The following ABI1 variants were observed in gnomAD, a reference collection of about 807,000 sequenced individuals.
ABI1 encodes the protein abl interactor 1.
In ABI1, 14 loss-of-function variants were observed where a neutral mutation model predicts 54.6. The ratio of observed to expected loss-of-function variants is 0.26; its 90% CI spans 0.17 to 0.40. The LOEUF (loss-of-function observed/expected upper bound fraction) is 0.40. Among genes scored for constraint, ABI1 ranks in the 10% least tolerant of loss-of-function variants. ABI1 has a pLI of 1.00. For missense variants in ABI1, 443 were observed against 598.3 expected, an observed-to-expected ratio of 0.74 and a Z score of 2.71; for synonymous variants, 194 against 209.3, an observed-to-expected ratio of 0.93 and a Z score of 0.63.
intron 9 of ABI1, among the ~76,000 whole-genome samples, chr10:26,754,202 T>A (rs1837982845): frequency 2.0e-5 from 3 of 152,156 alleles, no homozygotes; most frequent in Admixed American, 2.0e-4. Flanking sequence ...TAGGCTGGAG[T>A]GCAGTAGTGT....
chr10:26,831,256 CAT>C (rs1286513590), intron 1 of ABI1, among the ~76,000 whole-genome samples: 1 of 151,310 alleles, frequency 6.6e-6, no homozygotes. Context: ...AAATACAAAA[CAT>C]GTGGCTGGGC....
intron 2 of ABI1, among the ~76,000 whole-genome samples, chr10:26,777,877 C>A (rs958252813): frequency 6.6e-6 from 1 of 151,892 alleles, no homozygotes. Context: ...CCCCACACAC[C>A]CCCCAAAAAA....
rs149194918 is a variant in ABI1, at chr10:26,769,435, C to T, written c.579-443G>A. ...AGATATACATTCTAATCATTACTTT[C>T]TCAATAAATGATTTCGACTATTCTG... On this transcript the variant is annotated intron_variant, in intron 5 of 10. Coordinates refer to ENST00000376140, the MANE Select transcript of ABI1 (RefSeq NM_001012750.3). 2.9e-3 allele frequency among the ~76,000 whole-genome samples: 434 copies of T among 152,094 alleles called. 1 individual carries two copies. The highest frequency in any genetic ancestry group is 9.6e-3 in the African/African-American group (398 of 41,496).
intron 10 of ABI1, among the ~76,000 whole-genome samples, chr10:26,750,125 C>A (rs1837423870): frequency 6.6e-6 from 1 of 152,208 alleles, no homozygotes; most frequent in Non-Finnish European, 1.5e-5. Context: ...TAAGTAACAA[C>A]AGCTCTCTAT....
chr10:26,840,273 C>T (rs1564569137), intron 1 of ABI1, among the ~76,000 whole-genome samples: 1 of 152,118 alleles, frequency 6.6e-6, no homozygotes, highest in Admixed American at 6.5e-5. Flanking sequence ...TAGCACCTCC[C>T]CACCTTGCTT....
chr10:26,752,936 G>A (rs115617665), intron 9 of ABI1, among the ~76,000 whole-genome samples: 3,324 of 152,146 alleles, frequency 0.022, 89 homozygotes, highest in African/African-American at 0.07. Context: ...TTCCTGCAGG[G>A]GAGAAGTTCA....
intron 1 of ABI1, among the ~76,000 whole-genome samples, chr10:26,858,208 C>A (rs990360474): frequency 1.3e-5 from 2 of 152,106 alleles, no homozygotes; most frequent in African/African-American, 4.8e-5. Flanking sequence ...TTATAAATAA[C>A]CCAATCAGGT....
chr10:26,801,845 A>G (rs2046584405), intron 2 of ABI1, among the ~76,000 whole-genome samples: 1 of 152,228 alleles, frequency 6.6e-6, no homozygotes, highest in South Asian at 2.1e-4. Flanking sequence ...CATGCTAGAC[A>G]ATGGGAATAG....
chr10:26,761,631 T>C (rs1206438450), intron 7 of ABI1, among the ~76,000 whole-genome samples: 1 of 92,452 alleles, frequency 1.1e-5, no homozygotes, highest in Non-Finnish European at 2.2e-5. Flanking sequence ...TATATATATA[T>C]ATATATATAT....
At chr10:26,828,820 C>A (rs1369259288) in intron 1 of ABI1, among the ~76,000 whole-genome samples, 5 of 152,120 alleles carry the variant, frequency 3.3e-5, no homozygotes, top group Non-Finnish European at 7.4e-5. Context: ...TGGGATATAG[C>A]AAATCATTAA....
chr10:26,857,340 A>G (rs1039017799), intron 1 of ABI1, among the ~76,000 whole-genome samples: 1 of 83,806 alleles, frequency 1.2e-5, no homozygotes, highest in South Asian at 6.5e-4. Context: ...AAAAAAAAAA[A>G]AAAAAAAAAA....
intron 2 of ABI1, among the ~76,000 whole-genome samples, chr10:26,808,768 T>C (rs766961182): frequency 2.0e-5 from 3 of 151,824 alleles, no homozygotes; most frequent in Non-Finnish European, 2.9e-5. Flanking sequence ...ACAGTCTGGG[T>C]TATTCTAACT....
At chr10:26,846,713 C>T (rs1191642751) in intron 1 of ABI1, among the ~76,000 whole-genome samples, 1 of 152,106 alleles carries the variant, frequency 6.6e-6, no homozygotes, top group African/African-American at 2.4e-5. Flanking sequence ...TATCTGGTAC[C>T]TACCTACCTC....
chr10:26,795,085 A>G (rs1588899351), intron 2 of ABI1, among the ~76,000 whole-genome samples: 1 of 151,620 alleles, frequency 6.6e-6, no homozygotes. Context: ...CGGAGATTGC[A>G]GTGAGCCAAG....
At chr10:26,798,665 C>T (rs532143529) in intron 2 of ABI1, among the ~76,000 whole-genome samples, 35 of 152,080 alleles carry the variant, frequency 2.3e-4, no homozygotes, top group Admixed American at 1.5e-3. Context: ...GAAACTAAGG[C>T]GCACACACTG....
chr10:26,791,896 A>G (rs1843515184), intron 2 of ABI1, among the ~76,000 whole-genome samples: 1 of 152,228 alleles, frequency 6.6e-6, no homozygotes, highest in African/African-American at 2.4e-5. Context: ...TACTTGAAAT[A>G]TTATACACTA....
rs1196800873 is a variant in ABI1 at position 26,747,494 on chromosome 10, T to C, written c.*1076A>G. On this transcript the variant is annotated 3_prime_UTR_variant, in exon 11 of 11. Transcript: ENST00000376140. Reference sequence around the variant, plus strand: ...GGATTAAAGAGTGCCTACTCACAAATCAACTGTATCCACTTTTACAATATG... The same window carrying C: ...GGATTAAAGAGTGCCTACTCACAAACCAACTGTATCCACTTTTACAATATG... The C allele has an allele frequency of 4.8e-6, 1 of 209,212 alleles. No homozygotes were observed. Among genetic ancestry groups the C allele is most frequent in the Non-Finnish European group, 9.7e-6 (1 of 102,758 alleles). 13.0% of individuals were successfully genotyped at this position (209,212 alleles called of 1,614,324 possible).
intron 2 of ABI1, among the ~76,000 whole-genome samples, chr10:26,792,614 A>G (rs765520316): frequency 6.6e-6 from 1 of 152,252 alleles, no homozygotes; most frequent in African/African-American, 2.4e-5. Context: ...TAAATGGTCA[A>G]GCAAGGCTTT....
chr10:26,821,668 G>A (rs147578045), intron 2 of ABI1, among the ~76,000 whole-genome samples: 9,370 of 151,914 alleles, frequency 0.062, 429 homozygotes, highest in East Asian at 0.19. Flanking sequence ...GCGTGGTGGC[G>A]AGCGCCTGTA....
Sources: gnomAD v4.1 joint callset for allele counts (sites outside exome capture counted in the v4.1 genomes callset) on GRCh38, gnomAD v4.1.1 for gene constraint, MANE v1.5 for transcripts, NCBI Gene and HGNC (gene_info 2026-07-23, HGNC 2026-07-21) for gene names.